Variants in KCNS3 observed in about 807,000 individuals in gnomAD.
KCNS3 encodes the protein delayed-rectifier potassium channel regulatory subunit KCNS3.
In KCNS3, 13 loss-of-function variants were observed where a neutral mutation model predicts 31.0. The observed-to-expected ratio is 0.42, with a 90% CI of 0.27 to 0.67. The LOEUF (loss-of-function observed/expected upper bound fraction) is 0.67. Ranked by LOEUF, KCNS3 falls within the 30% of genes least tolerant of loss-of-function variation. The probability of loss-of-function intolerance (pLI) is 0.25; values close to 1 mark genes in which losing one functional copy is unlikely to be tolerated. For synonymous variants in KCNS3, 238 were observed against 241.5 expected (o/e 0.99, Z 0.13); for missense variants, 545 against 622.4 (o/e 0.88, Z 1.32).
intron 2 of KCNS3, among the ~76,000 whole-genome samples, chr2:17,924,223 G>T (rs1395479666): frequency 1.3e-5 from 2 of 151,690 alleles, no homozygotes; most frequent in Non-Finnish European, 1.5e-5. Context: ...CAAAATTGCT[G>T]AACTTATTTA....
chr2:17,918,821 C>T (rs1226834508), intron 2 of KCNS3, among the ~76,000 whole-genome samples: 1 of 152,160 alleles, frequency 6.6e-6, no homozygotes, highest in East Asian at 1.9e-4. Context: ...AAGGTGTACA[C>T]AAATGGGCTA....
chr2:17,901,206 G>A (rs1662166409), intron 1 of KCNS3, among the ~76,000 whole-genome samples: 1 of 152,200 alleles, frequency 6.6e-6, no homozygotes, highest in Non-Finnish European at 1.5e-5. Flanking sequence ...AGCTTAGTGT[G>A]AAGGAAGAAA....
rs568111924 is a variant in KCNS3 at position 17,918,600 on chromosome 2, T to A, written c.-60+729T>A. On this transcript the variant is annotated intron_variant, in intron 2 of 2. Transcript: ENST00000304101. ...TCTGCTAGCTCTTTGACAAAAGTAG[T>A]AATAGCCTTTGTTAATTCCTCCAGA... Among the ~76,000 whole-genome samples, 22 of 152,314 alleles carry A rather than the reference T, an allele frequency of 1.4e-4. No homozygotes were observed. In the South Asian group the frequency reaches 4.1e-3, roughly 29 times the overall value.
At chr2:17,908,851 G>A (rs955809167) in intron 1 of KCNS3, among the ~76,000 whole-genome samples, 1 of 152,216 alleles carries the variant, frequency 6.6e-6, no homozygotes, top group African/African-American at 2.4e-5. Context: ...CCGGCCGTGT[G>A]AAGTGTCAGT....
At chr2:17,884,268 A>AAATATATATATAT (rs1459540269) in intron 1 of KCNS3, among the ~76,000 whole-genome samples, 1 of 46,696 alleles carries the variant, frequency 2.1e-5, no homozygotes, top group East Asian at 1.2e-3. Flanking sequence ...AAAAAAAAAA[A>AAATATATATATAT]ATATATATAT....
At chr2:17,921,960 A>ATAG (rs1662726818) in intron 2 of KCNS3, among the ~76,000 whole-genome samples, 1 of 88,342 alleles carries the variant, frequency 1.1e-5, no homozygotes, top group Non-Finnish European at 2.4e-5. Context: ...TATATATATA[A>ATAG]ATACATATAC....
intron 1 of KCNS3, among the ~76,000 whole-genome samples, chr2:17,904,142 A>G (rs1662255135): frequency 6.6e-6 from 1 of 152,162 alleles, no homozygotes; most frequent in African/African-American, 2.4e-5. Context: ...CTTTTTAATG[A>G]TTGCCATTGT....
chr2:17,884,268 A>AAAAAAATATATATATATATAT, intron 1 of KCNS3, among the ~76,000 whole-genome samples: 1 of 46,680 alleles, frequency 2.1e-5, no homozygotes, highest in African/African-American at 7.8e-5. Context: ...AAAAAAAAAA[A>AAAAAAATATATATATATATAT]ATATATATAT....
At chr2:17,884,268 A>AAAT (rs1459540269) in intron 1 of KCNS3, among the ~76,000 whole-genome samples, 139 of 46,640 alleles carry the variant, frequency 3.0e-3, no homozygotes, top group Middle Eastern at 0.014. Context: ...AAAAAAAAAA[A>AAAT]ATATATATAT....
chr2:17,906,166 A>G (rs868739624), intron 1 of KCNS3, among the ~76,000 whole-genome samples: 3 of 152,154 alleles, frequency 2.0e-5, no homozygotes, highest in Admixed American at 6.5e-5. Flanking sequence ...CAGGGATTCA[A>G]CTTCTTCGTG....
chr2:17,900,008 C>T (rs1448711195), intron 1 of KCNS3, among the ~76,000 whole-genome samples: 2 of 152,152 alleles, frequency 1.3e-5, no homozygotes, highest in Non-Finnish European at 2.9e-5. Flanking sequence ...TGTGCCTCCC[C>T]AGTATGGGGC....
At chr2:17,916,180 C>G in intron 1 of KCNS3, among the ~76,000 whole-genome samples, 1 of 152,104 alleles carries the variant, frequency 6.6e-6, no homozygotes, top group Admixed American at 6.5e-5. Context: ...TTAATCCTAC[C>G]TTCCCTTAAA....
chr2:17,902,853 T>C (rs1024250877), intron 1 of KCNS3, among the ~76,000 whole-genome samples: 1 of 152,236 alleles, frequency 6.6e-6, no homozygotes, highest in African/African-American at 2.4e-5. Flanking sequence ...TGTGCTTTTA[T>C]TGATTTTATG....
intron 1 of KCNS3, among the ~76,000 whole-genome samples, chr2:17,902,364 GT>G (rs1662198841): frequency 1.1e-5 from 1 of 90,626 alleles, no homozygotes; most frequent in African/African-American, 4.1e-5. Flanking sequence ...GTGTGTGTGT[GT>G]GTGTGTGTGT....
chr2:17,892,077 G>A (rs976258714), intron 1 of KCNS3, among the ~76,000 whole-genome samples: 1 of 152,032 alleles, frequency 6.6e-6, no homozygotes, highest in Admixed American at 6.6e-5. Flanking sequence ...CTTAGGTTTG[G>A]TCATGTAACA....
intron 2 of KCNS3, among the ~76,000 whole-genome samples, chr2:17,918,974 G>A (rs988666487): frequency 6.6e-6 from 1 of 152,246 alleles, no homozygotes; most frequent in Admixed American, 6.5e-5. Context: ...CTGGAGATGT[G>A]ATGGAGTATT....
At chr2:17,892,202 G>C (rs1046268268) in intron 1 of KCNS3, among the ~76,000 whole-genome samples, 5 of 151,574 alleles carry the variant, frequency 3.3e-5, no homozygotes, top group Non-Finnish European at 7.4e-5. Context: ...TCTTTCTTCT[G>C]CTTGTTCAAT....
At chr2:17,920,851 GAGAA>G (rs1262336150) in intron 2 of KCNS3, among the ~76,000 whole-genome samples, 2 of 152,144 alleles carry the variant, frequency 1.3e-5, no homozygotes, top group Non-Finnish European at 2.9e-5. Context: ...ATATGCAAAT[GAGAA>G]CATCAGCCAG....
At chr2:17,913,742 T>A (rs78922183) in intron 1 of KCNS3, among the ~76,000 whole-genome samples, 1 of 152,200 alleles carries the variant, frequency 6.6e-6, no homozygotes, top group African/African-American at 2.4e-5. Flanking sequence ...CCTGTACTTA[T>A]AGAGCATTGG....
Sources: allele counts gnomAD v4.1 joint callset (sites outside exome capture counted in the v4.1 genomes callset), GRCh38; gene constraint gnomAD v4.1.1; transcripts MANE v1.5; gene names NCBI Gene and HGNC (gene_info 2026-07-23, HGNC 2026-07-21).